The following CLSTN2 variants were observed in gnomAD, a reference collection of about 807,000 sequenced individuals.
CLSTN2 encodes the protein calsyntenin 2, also known as calsyntenin-2.
A neutral mutation model predicts 101.2 loss-of-function variants in CLSTN2; 48 were observed. That is an observed-to-expected ratio of 0.47 (90% CI 0.38 to 0.60). CLSTN2 has a LOEUF of 0.60. Ranked by LOEUF, CLSTN2 falls within the 20% of genes least tolerant of loss-of-function variation. The pLI, the probability that CLSTN2 is intolerant of heterozygous loss-of-function variation, is 0.00. For missense variants in CLSTN2, 1,160 were observed against 1,238.2 expected, an observed-to-expected ratio of 0.94 and a Z score of 0.95; for synonymous variants, 481 against 463.6, an observed-to-expected ratio of 1.04 and a Z score of -0.48.
At chr3:140,058,518 G>C (rs1008060603) in intron 1 of CLSTN2, among the ~76,000 whole-genome samples, 1 of 152,172 alleles carries the variant, frequency 6.6e-6, no homozygotes, top group African/African-American at 2.4e-5. Context: ...AGCTTGAGCT[G>C]GTTAAGTCTA....
chr3:140,336,861 C>T (rs1343581804), intron 2 of CLSTN2, among the ~76,000 whole-genome samples: 3 of 152,172 alleles, frequency 2.0e-5, no homozygotes, highest in South Asian at 2.1e-4. Flanking sequence ...AACGGGGCTG[C>T]GTCACAGCTT....
intron 2 of CLSTN2, among the ~76,000 whole-genome samples, chr3:140,252,149 CACA>C (rs1001752868): frequency 6.6e-6 from 1 of 152,056 alleles, no homozygotes; most frequent in African/African-American, 2.4e-5. Flanking sequence ...AAGAGAGTGA[CACA>C]ACAAGGCATG....
chr3:140,316,411 G>T (rs371740895), intron 2 of CLSTN2, among the ~76,000 whole-genome samples: 6 of 152,104 alleles, frequency 3.9e-5, no homozygotes, highest in East Asian at 3.9e-4. Context: ...ATATATCAGG[G>T]GCCAACCATG....
Position 140,158,014 on chromosome 3 carries a change from AT to A in CLSTN2, c.110-17936del, listed in dbSNP as rs2009983666. Among the ~76,000 whole-genome samples, 3 of 152,300 alleles carry A rather than the reference AT, an allele frequency of 2.0e-5. No homozygotes were observed. In the South Asian group the frequency reaches 6.2e-4, roughly 32 times the overall value. On this transcript the variant is annotated intron_variant, in intron 1 of 16. Coordinates refer to ENST00000458420, the MANE Select transcript of CLSTN2 (RefSeq NM_022131.3). ...AAAGGCCGAGAAGCAATGTCCCTTC[AT>A]AACAAAACCCCTCAACAGACTAGGA...
At chr3:140,530,387 A>G (rs1474884463) in intron 8 of CLSTN2, among the ~76,000 whole-genome samples, 1 of 152,190 alleles carries the variant, frequency 6.6e-6, no homozygotes, top group Non-Finnish European at 1.5e-5. Flanking sequence ...TTGAAAAGTT[A>G]TTATAGTTTG....
intron 2 of CLSTN2, among the ~76,000 whole-genome samples, chr3:140,191,671 A>G (rs1162333230): frequency 6.6e-6 from 1 of 151,912 alleles, no homozygotes; most frequent in Non-Finnish European, 1.5e-5. Flanking sequence ...TGACAAATCT[A>G]TGTGTTGACA....
chr3:139,972,951 A>G (rs1003443063), intron 1 of CLSTN2, among the ~76,000 whole-genome samples: 2 of 152,218 alleles, frequency 1.3e-5, no homozygotes, highest in African/African-American at 4.8e-5. Context: ...CCTCTATTAC[A>G]CATTAATTGC....
At chr3:140,413,045 T>G (rs1430658273) in intron 4 of CLSTN2, among the ~76,000 whole-genome samples, 1 of 151,660 alleles carries the variant, frequency 6.6e-6, no homozygotes, top group Non-Finnish European at 1.5e-5. Context: ...TAACAAAGAT[T>G]AGAACAGAAA....
At chr3:140,257,800 T>G (rs531081743) in intron 2 of CLSTN2, among the ~76,000 whole-genome samples, 1 of 152,286 alleles carries the variant, frequency 6.6e-6, no homozygotes, top group South Asian at 2.1e-4. Context: ...ACATAAATAT[T>G]AAAAATGGCA....
chr3:140,018,472 A>G (rs1044781494), intron 1 of CLSTN2, among the ~76,000 whole-genome samples: 1 of 152,178 alleles, frequency 6.6e-6, no homozygotes, highest in Non-Finnish European at 1.5e-5. Context: ...GCCCTCTTCT[A>G]GGACTGCAGC....
intron 5 of CLSTN2, among the ~76,000 whole-genome samples, chr3:140,440,430 T>C (rs1239985018): frequency 3.9e-5 from 6 of 152,346 alleles, no homozygotes; most frequent in Non-Finnish European, 5.9e-5. Context: ...GTAATTCAGT[T>C]CAGAGAATTC....
At chr3:140,500,189 C>A (rs1934549785) in intron 8 of CLSTN2, among the ~76,000 whole-genome samples, 1 of 152,142 alleles carries the variant, frequency 6.6e-6, no homozygotes, top group Non-Finnish European at 1.5e-5. Context: ...GCCTTGAGGA[C>A]TTTGGAAACA....
intron 1 of CLSTN2, among the ~76,000 whole-genome samples, chr3:139,956,269 G>A (rs1309295981): frequency 1.3e-5 from 2 of 152,252 alleles, no homozygotes; most frequent in Non-Finnish European, 2.9e-5. Context: ...TGTATTTATT[G>A]TGTATTACTC....
chr3:140,428,424 C>A (rs2088595586), intron 5 of CLSTN2, among the ~76,000 whole-genome samples: 2 of 152,130 alleles, frequency 1.3e-5, no homozygotes, highest in Admixed American at 1.3e-4. Context: ...CAAAATTATT[C>A]CCCTTTGAAG....
intron 8 of CLSTN2, among the ~76,000 whole-genome samples, chr3:140,477,105 T>A (rs575905247): frequency 1.1e-4 from 17 of 152,308 alleles, no homozygotes; most frequent in South Asian, 8.3e-4. Flanking sequence ...GCAATAACCC[T>A]GGAGGCCCAG....
At chr3:140,369,575 G>GT (rs1322224301) in intron 2 of CLSTN2, among the ~76,000 whole-genome samples, 2 of 101,744 alleles carry the variant, frequency 2.0e-5, no homozygotes, top group African/African-American at 3.6e-5. Flanking sequence ...ATAATAATTT[G>GT]TTAAAAAAAA....
chr3:140,171,791 A>AATATATATAATGTGTATTATATAAT (rs34903884), intron 1 of CLSTN2, among the ~76,000 whole-genome samples: 1 of 106,156 alleles, frequency 9.4e-6, no homozygotes, highest in Non-Finnish European at 1.8e-5. Flanking sequence ...TATAATATAT[A>AATATATATAATGTGTATTATATAAT]ATATATAATA....
intron 1 of CLSTN2, among the ~76,000 whole-genome samples, chr3:139,947,653 C>T (rs975465072): frequency 6.6e-6 from 1 of 152,140 alleles, no homozygotes; most frequent in Non-Finnish European, 1.5e-5. Flanking sequence ...ATTTCACCTT[C>T]CTAGATTTAT....
intron 8 of CLSTN2, among the ~76,000 whole-genome samples, chr3:140,517,568 T>C (rs2081801): frequency 0.31 from 46,975 of 151,930 alleles, 8,981 homozygotes; most frequent in African/African-American, 0.54. Context: ...GAGAACCAAA[T>C]TGCAGTGATT....
Sources: allele counts gnomAD v4.1 joint callset (sites outside exome capture counted in the v4.1 genomes callset), GRCh38; gene constraint gnomAD v4.1.1; transcripts MANE v1.5; gene names NCBI Gene and HGNC (gene_info 2026-07-23, HGNC 2026-07-21).